Variants in ATP10B observed in about 807,000 individuals in gnomAD.
The protein encoded by ATP10B is ATPase phospholipid transporting 10B (putative).
Under a neutral mutation model 141.2 loss-of-function variants are expected in ATP10B, and 122 were observed. The ratio of observed to expected loss-of-function variants is 0.86; its 90% CI spans 0.75 to 1.00. ATP10B has a LOEUF of 1.00. ATP10B is among the 50% of genes least tolerant of loss of function. The probability of loss-of-function intolerance (pLI) is 0.00; values close to 1 mark genes in which losing one functional copy is unlikely to be tolerated. For missense variants in ATP10B, 1,876 were observed against 1,825.3 expected, an observed-to-expected ratio of 1.03 and a Z score of -0.51; for synonymous variants, 685 against 692.0, an observed-to-expected ratio of 0.99 and a Z score of 0.16.
intron 7 of ATP10B, among the ~76,000 whole-genome samples, chr5:160,653,300 G>A (rs534276878): frequency 5.5e-5 from 7 of 126,278 alleles, no homozygotes; most frequent in Non-Finnish European, 9.6e-5. Flanking sequence ...ATATACATAC[G>A]TACATACATA....
intron 25 of ATP10B, among the ~76,000 whole-genome samples, chr5:160,567,539 A>T (rs1338366094): frequency 6.6e-6 from 1 of 152,152 alleles, no homozygotes; most frequent in Non-Finnish European, 1.5e-5. Flanking sequence ...TGTTGAATAA[A>T]TGAATGGAGG....
chr5:160,661,799 G>T (rs1306826600), intron 7 of ATP10B, among the ~76,000 whole-genome samples: 1 of 152,098 alleles, frequency 6.6e-6, no homozygotes, highest in East Asian at 1.9e-4. Context: ...TCTGGCCAGG[G>T]CAATCAGGCA....
chr5:160,813,710 T>C (rs1490558771), intron 1 of ATP10B, among the ~76,000 whole-genome samples: 8 of 152,022 alleles, frequency 5.3e-5, no homozygotes, highest in Non-Finnish European at 8.8e-5. Context: ...GACCCCTGAG[T>C]AGCCTAACTT....
intron 3 of ATP10B, among the ~76,000 whole-genome samples, chr5:160,691,505 G>A (rs141240185): frequency 0.013 from 2,000 of 152,222 alleles, 28 homozygotes; most frequent in Middle Eastern, 0.021. Flanking sequence ...ATTTTATAAA[G>A]TTAGAAGTTG....
intron 3 of ATP10B, among the ~76,000 whole-genome samples, chr5:160,714,583 A>G (rs1207785484): frequency 1.6e-5 from 2 of 127,290 alleles, no homozygotes; most frequent in African/African-American, 6.4e-5. Context: ...ACTTAGAGTA[A>G]TTTGATCGTC....
the ATP10B span, among the ~76,000 whole-genome samples, chr5:160,886,554 A>T: frequency 6.6e-6 from 1 of 152,178 alleles, no homozygotes; most frequent in African/African-American, 2.4e-5. Flanking sequence ...CGGCAAGGTC[A>T]TTTGGGTTTA....
At chr5:160,640,913 T>C (rs1241209129) in intron 9 of ATP10B, among the ~76,000 whole-genome samples, 1 of 152,198 alleles carries the variant, frequency 6.6e-6, no homozygotes. Context: ...AAGTTTATTA[T>C]GGACAGAGTT....
intron 7 of ATP10B, among the ~76,000 whole-genome samples, chr5:160,653,653 AT>A (rs1761163093): frequency 1.3e-5 from 1 of 78,190 alleles, no homozygotes; most frequent in Non-Finnish European, 2.3e-5. Context: ...TATATTATAT[AT>A]ACATATATAC....
intron 1 of ATP10B, among the ~76,000 whole-genome samples, chr5:160,828,303 C>T (rs1774790249): frequency 1.3e-5 from 2 of 152,040 alleles, no homozygotes; most frequent in Non-Finnish European, 2.9e-5. Flanking sequence ...ACTTTTGCAA[C>T]CTACTCATCT....
At chr5:160,896,812 A>G in the ATP10B span, among the ~76,000 whole-genome samples, 3 of 152,222 alleles carry the variant, frequency 2.0e-5, no homozygotes, top group African/African-American at 7.2e-5. Context: ...TGGGAAACTG[A>G]ATCCAGCAGC....
chr5:160,694,621 C>T (rs946398230), intron 3 of ATP10B, among the ~76,000 whole-genome samples: 2 of 152,178 alleles, frequency 1.3e-5, no homozygotes, highest in African/African-American at 4.8e-5. Flanking sequence ...CAATTGACTC[C>T]AGTTCCTTTC....
chr5:160,757,452 G>A (rs1258473744), intron 2 of ATP10B, among the ~76,000 whole-genome samples: 2 of 152,146 alleles, frequency 1.3e-5, no homozygotes, highest in Non-Finnish European at 2.9e-5. Flanking sequence ...GTTTACTGGA[G>A]TATAAACTTT....
chr5:160,843,896 T>C (rs753134151), intron 1 of ATP10B, among the ~76,000 whole-genome samples: 26 of 152,230 alleles, frequency 1.7e-4, no homozygotes, highest in Non-Finnish European at 2.6e-4. Flanking sequence ...TTTTATACTT[T>C]TCTGTAATTT....
the ATP10B span, among the ~76,000 whole-genome samples, chr5:160,862,601 T>C: frequency 1.3e-5 from 2 of 151,984 alleles, no homozygotes; most frequent in Non-Finnish European, 2.9e-5. Flanking sequence ...ACTAACCTAA[T>C]TGGCTTAACA....
chr5:160,603,383 T>A lies in ATP10B; in HGVS notation c.3237+582A>T, dbSNP rs13361787. On this transcript the variant is annotated intron_variant, in intron 20 of 25. Transcript: ENST00000327245. ...GTGTCTAACACAAGCTTGTCCAACC[T>A]GCAGGTCGCATGTGGCCCAGGATGG... is the stretch of plus-strand genomic sequence containing the variant. 9.4e-3 allele frequency: 1,461 copies of A among 155,042 alleles called. 25 individuals are homozygous for A. Among genetic ancestry groups the A allele is most frequent in the African/African-American group, 0.032 (1,310 of 41,574 alleles). 9.6% of individuals were successfully genotyped at this position (155,042 alleles called of 1,614,324 possible).
chr5:160,714,872 C>A (rs1163975225), intron 3 of ATP10B, among the ~76,000 whole-genome samples: 1 of 147,362 alleles, frequency 6.8e-6, no homozygotes. Context: ...GAATACCCTG[C>A]CGTGTGAGGT....
chr5:160,825,033 A>T (rs1774473757), intron 1 of ATP10B, among the ~76,000 whole-genome samples: 1 of 152,032 alleles, frequency 6.6e-6, no homozygotes, highest in Non-Finnish European at 1.5e-5. Flanking sequence ...ATTCTCTGGG[A>T]CTTTAATTCA....
intron 2 of ATP10B, among the ~76,000 whole-genome samples, chr5:160,718,909 G>A (rs184145276): frequency 5.9e-5 from 9 of 152,174 alleles, no homozygotes; most frequent in Admixed American, 3.3e-4. Context: ...CAGGGACTAC[G>A]TCTGGTTCAA....
chr5:160,771,737 C>T lies in ATP10B; in HGVS notation c.-331+13822G>A, dbSNP rs141731281. Among the ~76,000 whole-genome samples the T allele has an allele frequency of 7.1e-4, 108 of 152,320 alleles. No individual in the cohort carries two copies. The East Asian group carries it at 0.02, about 28-fold the overall frequency. On this transcript the variant is annotated intron_variant, in intron 2 of 25. Transcript: ENST00000327245. ...CTATTATGCTCATGTTGTACCTTAGCTCTCTGTCCCATCTTGCTTTGATCC... is the reference window on the plus strand; with the variant it reads ...CTATTATGCTCATGTTGTACCTTAGTTCTCTGTCCCATCTTGCTTTGATCC...
Sources: gnomAD v4.1 joint callset for allele counts (sites outside exome capture counted in the v4.1 genomes callset) on GRCh38, gnomAD v4.1.1 for gene constraint, MANE v1.5 for transcripts, NCBI Gene and HGNC (gene_info 2026-07-23, HGNC 2026-07-21) for gene names.